The following LINGO2 variants were observed in gnomAD, a reference collection of about 807,000 sequenced individuals.
LINGO2 encodes the protein leucine-rich repeat and immunoglobulin-like domain-containing nogo receptor-interacting protein 2.
In LINGO2, 14 loss-of-function variants were observed where a neutral mutation model predicts 30.6. The ratio of observed to expected loss-of-function variants is 0.46; its 90% CI spans 0.30 to 0.72. The LOEUF (loss-of-function observed/expected upper bound fraction) is 0.72, where lower values mean the gene tolerates loss of function less well. Among genes scored for constraint, LINGO2 ranks in the 30% least tolerant of loss-of-function variants. LINGO2 has a pLI of 0.07. For missense variants in LINGO2, 729 were observed against 751.7 expected (o/e 0.97, Z 0.35); for synonymous variants, 317 against 288.5 (o/e 1.10, Z -1.00).
At chr9:28,339,204 A>G (rs1240160004) in intron 3 of LINGO2, among the ~76,000 whole-genome samples, 1 of 93,914 alleles carries the variant, frequency 1.1e-5, no homozygotes, top group African/African-American at 2.8e-5. Flanking sequence ...TGATCTTACA[A>G]ATAAAATTAA....
At chr9:28,439,090 T>C (rs1219076496) in intron 2 of LINGO2, among the ~76,000 whole-genome samples, 1 of 147,910 alleles carries the variant, frequency 6.8e-6, no homozygotes, top group African/African-American at 2.5e-5. Flanking sequence ...ATAATAGCTA[T>C]ACATTATATA....
At chr9:28,233,061 T>TATATATACACAA (rs60875467) in intron 4 of LINGO2, among the ~76,000 whole-genome samples, 3 of 118,830 alleles carry the variant, frequency 2.5e-5, no homozygotes, top group African/African-American at 1.1e-4. Context: ...TATATATATA[T>TATATATACACAA]TAGATATATA....
intron 3 of LINGO2, among the ~76,000 whole-genome samples, chr9:28,318,843 G>A (rs1824936441): frequency 6.6e-6 from 1 of 152,148 alleles, no homozygotes; most frequent in Non-Finnish European, 1.5e-5. Context: ...GCTAGGCACT[G>A]TACTAAGCAA....
At chr9:28,637,585 T>A (rs954601060) in intron 1 of LINGO2, among the ~76,000 whole-genome samples, 2 of 152,210 alleles carry the variant, frequency 1.3e-5, no homozygotes, top group African/African-American at 4.8e-5. Flanking sequence ...TTGAAGCAAT[T>A]GTGAATGGGA....
chr9:28,560,335 G>A (rs1822981193), intron 1 of LINGO2, among the ~76,000 whole-genome samples: 1 of 152,056 alleles, frequency 6.6e-6, no homozygotes, highest in Non-Finnish European at 1.5e-5. Context: ...CATCTAATCA[G>A]TTGAAGGATT....
chr9:28,412,311 A>G (rs903613221), intron 2 of LINGO2, among the ~76,000 whole-genome samples: 4 of 151,778 alleles, frequency 2.6e-5, no homozygotes, highest in Non-Finnish European at 4.4e-5. Context: ...GCATCTTTTC[A>G]TGCTTAATGA....
At position 28,246,969 on chromosome 9, in the gene LINGO2, A is replaced by C. The variant is rs549539827; in HGVS notation, c.-87+48239T>G. On this transcript the variant is annotated intron_variant, in intron 4 of 5. Transcript: ENST00000379992. Reference sequence around the variant, plus strand: ...AAGGATATGAACAGACACTTCTTTAAAGAAGAAATTTAGGTAGCCAACATG... The same window carrying C: ...AAGGATATGAACAGACACTTCTTTACAGAAGAAATTTAGGTAGCCAACATG... Among the ~76,000 whole-genome samples, 14 of 152,378 alleles carry C rather than the reference A, an allele frequency of 9.2e-5. 1 individual carries two copies. In the South Asian group the frequency reaches 2.7e-3, roughly 29 times the overall value.
intron 3 of LINGO2, among the ~76,000 whole-genome samples, chr9:28,298,304 G>T (rs538242681): frequency 6.6e-6 from 1 of 152,010 alleles, no homozygotes; most frequent in Non-Finnish European, 1.5e-5. Context: ...CTATTACTGG[G>T]ATGCATAGTA....
intron 3 of LINGO2, among the ~76,000 whole-genome samples, chr9:28,307,020 T>G (rs1824392554): frequency 6.6e-6 from 1 of 152,078 alleles, no homozygotes; most frequent in African/African-American, 2.4e-5. Context: ...ACTGGTACCA[T>G]TCCTTCTGAA....
At chr9:28,574,372 C>T (rs1823851277) in intron 1 of LINGO2, among the ~76,000 whole-genome samples, 1 of 152,198 alleles carries the variant, frequency 6.6e-6, no homozygotes, top group Non-Finnish European at 1.5e-5. Flanking sequence ...GAAACCACTT[C>T]AAATCTCAGC....
the LINGO2 span, among the ~76,000 whole-genome samples, chr9:28,895,532 G>A: frequency 0.086 from 13,060 of 152,124 alleles, 639 homozygotes; most frequent in African/African-American, 0.13. Flanking sequence ...AAAAAATTAC[G>A]TAATCTTCCT....
At chr9:29,198,991 T>C in the LINGO2 span, among the ~76,000 whole-genome samples, 1 of 152,048 alleles carries the variant, frequency 6.6e-6, no homozygotes, top group Non-Finnish European at 1.5e-5. Flanking sequence ...CATTAGGCTG[T>C]GGTAACAAAA....
At chr9:28,760,829 T>G in the LINGO2 span, among the ~76,000 whole-genome samples, 2 of 151,846 alleles carry the variant, frequency 1.3e-5, no homozygotes, top group African/African-American at 2.4e-5. Context: ...CAAATGCTGT[T>G]AATTCTTTCC....
At chr9:29,197,234 T>C in the LINGO2 span, among the ~76,000 whole-genome samples, 1 of 152,064 alleles carries the variant, frequency 6.6e-6, no homozygotes, top group Non-Finnish European at 1.5e-5. Context: ...CTTACAACTG[T>C]ATATAACTAT....
intron 3 of LINGO2, among the ~76,000 whole-genome samples, chr9:28,338,477 A>C (rs941538956): frequency 6.6e-6 from 1 of 152,066 alleles, no homozygotes; most frequent in Non-Finnish European, 1.5e-5. Flanking sequence ...GAAGGCCATG[A>C]TTGTCTTTTG....
At chr9:28,593,101 T>G (rs1276491578) in intron 1 of LINGO2, among the ~76,000 whole-genome samples, 2 of 152,074 alleles carry the variant, frequency 1.3e-5, no homozygotes, top group Non-Finnish European at 2.9e-5. Flanking sequence ...CTTCTCCTAT[T>G]AGACTTCAGC....
intron 5 of LINGO2, among the ~76,000 whole-genome samples, chr9:27,970,352 T>A (rs1307321538): frequency 6.6e-6 from 1 of 152,202 alleles, no homozygotes; most frequent in Non-Finnish European, 1.5e-5. Flanking sequence ...TTGTCTCAGA[T>A]ATTGCTCTGA....
chr9:29,076,116 G>A, the LINGO2 span, among the ~76,000 whole-genome samples: 3 of 151,684 alleles, frequency 2.0e-5, no homozygotes, highest in African/African-American at 7.3e-5. Context: ...GGCCTCAAGT[G>A]GTCATCCCGC....
intron 3 of LINGO2, among the ~76,000 whole-genome samples, chr9:28,313,308 T>C (rs1434024610): frequency 6.6e-6 from 1 of 152,174 alleles, no homozygotes; most frequent in African/African-American, 2.4e-5. Context: ...TCTGGGCTCC[T>C]GCTCACACAT....
Sources: allele counts gnomAD v4.1 joint callset (sites outside exome capture counted in the v4.1 genomes callset), GRCh38; gene constraint gnomAD v4.1.1; transcripts MANE v1.5; gene names NCBI Gene and HGNC (gene_info 2026-07-23, HGNC 2026-07-21).